The following TMCO6 variants were observed in gnomAD, a reference collection of about 807,000 sequenced individuals.
TMCO6 encodes transmembrane and coiled-coil domain-containing protein 6.
A neutral mutation model predicts 61.8 loss-of-function variants in TMCO6; 47 were observed. The observed-to-expected ratio is 0.76, with a 90% CI of 0.60 to 0.97. TMCO6 has a LOEUF of 0.97. TMCO6 is among the 50% of genes least tolerant of loss of function. The pLI, the probability that TMCO6 is intolerant of heterozygous loss-of-function variation, is 0.00. For missense variants in TMCO6, 557 were observed against 601.6 expected (o/e 0.93, Z 0.78); for synonymous variants, 261 against 254.2 (o/e 1.03, Z -0.25).
chr5:140,606,971 A>C, the TMCO6 span, among the ~76,000 whole-genome samples: 1 of 148,062 alleles, frequency 6.8e-6, no homozygotes, highest in East Asian at 1.9e-4. Flanking sequence ...TTAGTTTTTA[A>C]CAAAATAGTT....
At chr5:140,633,550 A>G in the TMCO6 span, 4 of 200,004 alleles carry the variant, frequency 2.0e-5, no homozygotes, top group African/African-American at 9.1e-5. Context: ...CAGAGAATCT[A>G]CTTGATTCAT....
At chr5:140,639,387 T>TCACCCAG, upstream of TMCO6, 1 of 813,180 alleles carries the variant, frequency 1.2e-6, no homozygotes, top group Non-Finnish European at 1.9e-6. Flanking sequence ...AGCCCCGCCC[T>TCACCCAG]CACCCAGCAC....
the TMCO6 span, among the ~76,000 whole-genome samples, chr5:140,617,052 G>GA: frequency 0.011 from 1,471 of 135,368 alleles, 20 homozygotes; most frequent in African/African-American, 0.03. Flanking sequence ...GGCAAAAAAA[G>GA]AAAAAAAAAA....
the TMCO6 span, among the ~76,000 whole-genome samples, chr5:140,628,978 A>G: frequency 1.3e-5 from 2 of 152,186 alleles, no homozygotes; most frequent in Non-Finnish European, 2.9e-5. Context: ...CCAAACAGTT[A>G]AAACTTTAGG....
upstream of TMCO6, chr5:140,639,389 A>G (rs1756867496): frequency 1.2e-6 from 1 of 835,848 alleles, no homozygotes; most frequent in Non-Finnish European, 1.9e-6. Context: ...CCCCGCCCTC[A>G]CCCAGCACCC....
chr5:140,641,552 G>A (rs1404977486), intron 2 of TMCO6, 113 bp from the exon 3 acceptor site: 1 of 816,970 alleles, frequency 1.2e-6, no homozygotes, highest in Non-Finnish European at 2.0e-6. Flanking sequence ...TAGTGTGAAT[G>A]ACAAGTTCTG....
chr5:140,632,797 C>T, the TMCO6 span: 28 of 1,613,600 alleles, frequency 1.7e-5, no homozygotes, highest in Admixed American at 1.3e-4. The surrounding 1 kb of genome is among the most constrained non-coding windows in gnomAD (Gnocchi z 6.2). Flanking sequence ...AGGTTGAGAC[C>T]GCCGGCATGG....
chr5:140,605,696 C>T, the TMCO6 span, among the ~76,000 whole-genome samples: 1 of 76,238 alleles, frequency 1.3e-5, no homozygotes, highest in African/African-American at 7.6e-5. Flanking sequence ...AAACAAAACA[C>T]ACACACACAC....
the TMCO6 span, among the ~76,000 whole-genome samples, chr5:140,628,301 T>C: frequency 6.6e-6 from 1 of 152,218 alleles, no homozygotes; most frequent in South Asian, 2.1e-4. Flanking sequence ...TTCCCTGAAA[T>C]GTAAACTTGT....
chr5:140,627,863 T>A, the TMCO6 span, among the ~76,000 whole-genome samples: 1 of 151,266 alleles, frequency 6.6e-6, no homozygotes, highest in Non-Finnish European at 1.5e-5. Flanking sequence ...GCCACTGCAC[T>A]CCAGCCTGGG....
chr5:140,631,928 A>T, the TMCO6 span: 1 of 1,608,934 alleles, frequency 6.2e-7, no homozygotes, highest in Non-Finnish European at 8.5e-7. Flanking sequence ...TCGAACGTGC[A>T]CAGGCTGGGA....
rs1007358742 is a variant in TMCO6, at chr5:140,645,313, C to T, written c.*215C>T. 3 of 717,746 alleles carry T rather than the reference C, an allele frequency of 4.2e-6. No individual in the cohort carries two copies. The highest frequency in any genetic ancestry group is 4.2e-5 in the Admixed American group (2 of 47,516). The allele number at this position is 717,746 out of a possible 1,614,324, so 44.5% of individuals were successfully genotyped here. A position where few individuals can be genotyped will look rare whatever the true frequency, so the allele number is the denominator to read the frequency against. ...CAGTGTGGTCTACTTACTCTGGGGC[C>T]CTAGAATCCCTGCCCCCCCGCCACC... On this transcript the variant is annotated 3_prime_UTR_variant, in exon 12 of 12. Transcript: ENST00000394671.
In TMCO6 at chr5:140,639,486, T is replaced by C. The variant is rs768073971; in HGVS notation, c.-42T>C. 21 of 1,538,142 alleles carry C rather than the reference T, an allele frequency of 1.4e-5. No individual in the cohort carries two copies. The highest frequency in any genetic ancestry group is 1.8e-5 in the Non-Finnish European group (20 of 1,136,920). On this transcript the variant is annotated 5_prime_UTR_variant, in exon 1 of 12. Transcript: ENST00000394671. Reference sequence around the variant, plus strand: ...CCATCTTCTACGCCCCTGGGAGCGTTGTGGCTGCTGTTTCCTTCGGCTTTC... The same window carrying C: ...CCATCTTCTACGCCCCTGGGAGCGTCGTGGCTGCTGTTTCCTTCGGCTTTC...
intron 5 of TMCO6, 80 bp from the exon 6 acceptor site, chr5:140,642,506 G>C: frequency 6.2e-7 from 1 of 1,601,092 alleles, no homozygotes; most frequent in Non-Finnish European, 8.6e-7. Context: ...TCCAGCCTCT[G>C]CCCTGTGCCA....
the TMCO6 span, among the ~76,000 whole-genome samples, chr5:140,629,026 T>C: frequency 6.6e-6 from 1 of 152,152 alleles, no homozygotes; most frequent in East Asian, 1.9e-4. Context: ...CCCAGCACTT[T>C]GGGAGGCAGA....
chr5:140,601,618 A>G, the TMCO6 span, among the ~76,000 whole-genome samples: 7,020 of 152,186 alleles, frequency 0.046, 525 homozygotes, highest in African/African-American at 0.15. Context: ...GCAGTGACAC[A>G]ATCTCAGAAC....
the TMCO6 span, among the ~76,000 whole-genome samples, chr5:140,614,513 A>AAACAAC: frequency 0.29 from 43,853 of 151,580 alleles, 6,482 homozygotes; most frequent in African/African-American, 0.31. Flanking sequence ...ACTCTGTTTT[A>AAACAAC]AACAACAACA....
At chr5:140,623,047 A>G in the TMCO6 span, among the ~76,000 whole-genome samples, 1 of 152,152 alleles carries the variant, frequency 6.6e-6, no homozygotes, top group African/African-American at 2.4e-5. Context: ...TGAATTCTCA[A>G]GGTATAACAC....
At chr5:140,602,783 CA>C in the TMCO6 span, among the ~76,000 whole-genome samples, 1 of 150,374 alleles carries the variant, frequency 6.7e-6, no homozygotes, top group Non-Finnish European at 1.5e-5. Context: ...CACACACAAA[CA>C]CACACACACA....
Sources: allele counts gnomAD v4.1 joint callset (sites outside exome capture counted in the v4.1 genomes callset), GRCh38; gene constraint gnomAD v4.1.1; non-coding constraint Gnocchi (gnomAD v3.1); transcripts MANE v1.5; gene names NCBI Gene and HGNC (gene_info 2026-07-23, HGNC 2026-07-21).